Variants in SEPTIN5 observed in about 807,000 individuals in gnomAD.
SEPTIN5 encodes septin-5.
A neutral mutation model predicts 51.2 loss-of-function variants in SEPTIN5; 16 were observed. That is an observed-to-expected ratio of 0.31 (90% CI 0.21 to 0.47). The LOEUF (loss-of-function observed/expected upper bound fraction) is 0.47. Among genes scored for constraint, SEPTIN5 ranks in the 20% least tolerant of loss-of-function variants. The probability of loss-of-function intolerance (pLI) is 0.99; values close to 1 mark genes in which losing one functional copy is unlikely to be tolerated. For synonymous variants in SEPTIN5, 208 were observed against 191.2 expected (o/e 1.09, Z -0.72); for missense variants, 376 against 500.3 (o/e 0.75, Z 2.37).
At chr22:19,717,628 C>A (rs976224930) in intron 2 of SEPTIN5, 33 of 303,268 alleles carry the variant, frequency 1.1e-4, no homozygotes, top group Non-Finnish European at 2.1e-4. Flanking sequence ...CTCCAGTACT[C>A]CGGCAGCCTG....
Position 19,720,813 on chromosome 22 carries a change from C to T in SEPTIN5, c.661C>T (p.Pro221Ser). The part of the protein sequence containing the change: ...DKFGIHVYQF[P>S]ECDSDEDEDF... ...GTTTGGGATCCATGTATACCAGTTC[C>T]CTGAGTGTGACTCGGACGAGGATGA... The change falls in exon 8 of 12, where the codon CCT becomes TCT. Residue 221 changes from proline to serine, a missense_variant. Pro to Ser is a moderately conservative substitution (Grantham distance 74). Coordinates refer to ENST00000455784, the MANE Select transcript of SEPTIN5 (RefSeq NM_002688.6). The T allele has an allele frequency of 6.2e-7, 1 of 1,613,782 alleles. No homozygotes were observed. The highest frequency in any genetic ancestry group is 8.5e-7 in the Non-Finnish European group (1 of 1,180,010).
intron 2 of SEPTIN5, among the ~76,000 whole-genome samples, chr22:19,716,442 G>A (rs1455287262): frequency 6.6e-6 from 1 of 152,260 alleles, no homozygotes; most frequent in African/African-American, 2.4e-5. Flanking sequence ...CCTGGCTGCT[G>A]CTCCCAGAGC....
rs754677211 is a variant in SEPTIN5 at position 19,720,205 on chromosome 22, C to T, written c.329C>T (p.Pro110Leu). 5.0e-6 allele frequency: 8 copies of T among 1,613,396 alleles called. No individual in the cohort carries two copies. The highest frequency in any genetic ancestry group is 5.9e-6 in the Non-Finnish European group (7 of 1,180,016). Residue 110 changes from proline to leucine, a missense_variant, in exon 5 of 12, where the codon CCG (proline) becomes CTG (leucine). Pro to Leu is a moderately conservative substitution (Grantham distance 98). Transcript: ENST00000455784. The part of the protein sequence containing the change: ...VKLKLTIVDT[P>L]GFGDAVNNTE... ...CTGAAGCTCACCATCGTGGACACGC[C>T]GGGATTCGGGGACGCTGTCAACAAC... is the stretch of plus-strand genomic sequence containing the variant.
intron 2 of SEPTIN5, chr22:19,718,273 G>C (rs1257010724): frequency 4.5e-6 from 2 of 440,992 alleles, no homozygotes; most frequent in Non-Finnish European, 6.0e-6. Flanking sequence ...GGGCGCGGCA[G>C]GGCTCCCGGT....
At chr22:19,715,867 C>T (rs1935904863) in intron 2 of SEPTIN5, among the ~76,000 whole-genome samples, 1 of 152,206 alleles carries the variant, frequency 6.6e-6, no homozygotes, top group African/African-American at 2.4e-5. Context: ...GCTGCCTCCC[C>T]ATCACAGCAG....
In SEPTIN5 at chr22:19,719,505, C is replaced by T. The variant is rs747546736; in HGVS notation, c.55-97C>T. 6.1e-6 allele frequency: 6 copies of T among 976,560 alleles called. No homozygotes were observed. In the South Asian group the frequency reaches 6.5e-5, roughly 11 times the overall value. The allele number at this position is 976,560 out of a possible 1,614,324, so 60.5% of individuals were successfully genotyped here. On this transcript the variant is annotated intron_variant, in intron 2 of 11. Transcript: ENST00000455784. The stretch of plus-strand genomic sequence containing the variant: ...GAAATGCCCCACCCTGGGAACCGTA[C>T]CCTCTGCTGTCTCCTCATACCGCAT...
chr22:19,722,068 T>C, intron 10 of SEPTIN5, 111 bp downstream of exon 10: 2 of 1,342,334 alleles, frequency 1.5e-6, no homozygotes, highest in Non-Finnish European at 1.0e-6. Flanking sequence ...CACCATTCCC[T>C]AAGCCCCCCC....
rs1403248191 is a variant in SEPTIN5, at chr22:19,719,655, C to A, written c.108C>A (p.Arg36=). 2 of 1,612,942 alleles carry A rather than the reference C, an allele frequency of 1.2e-6. No homozygotes were observed. The highest frequency in any genetic ancestry group is 2.7e-5 in the African/African-American group (2 of 74,956). The change falls in exon 3 of 12, where the codon CGC becomes CGA. Residue 36 remains arginine, a synonymous_variant. Coordinates refer to ENST00000455784, the MANE Select transcript of SEPTIN5 (RefSeq NM_002688.6). ...GFATLPNQVH[R]KSVKKGFDFT... is the part of the protein sequence containing the mutation. ...CCACACTGCCCAACCAGGTGCACCG[C>A]AAGTCGGTGAAGAAAGGCTTTGACT...
chr22:19,714,769 C>T lies in SEPTIN5; in HGVS notation c.44-12C>T, dbSNP rs1935890431. On this transcript the variant is annotated splice_polypyrimidine_tract_variant and intron_variant, in intron 1 of 11. Transcript: ENST00000455784. This position sits in a 1 kb window ranked among gnomAD's most constrained non-coding sequence, Gnocchi z 5.2. ...ACCGGACCCGGACTCGACCCCGACC[C>T]CGACCCCGCAGAGGACAAGCAGGTA... 2 of 1,594,856 alleles carry T rather than the reference C, an allele frequency of 1.3e-6. No homozygotes were observed. The highest frequency in any genetic ancestry group is 1.7e-6 in the Non-Finnish European group (2 of 1,176,526).
intron 2 of SEPTIN5, chr22:19,717,786 C>T (rs73377940): frequency 0.016 from 3,816 of 232,736 alleles, 165 homozygotes; most frequent in African/African-American, 0.083. Flanking sequence ...TGCACACACC[C>T]GCGCACACGC....
intron 2 of SEPTIN5, chr22:19,717,648 TTTCCC>T (rs1057337353): frequency 5.9e-5 from 17 of 289,904 alleles, no homozygotes; most frequent in South Asian, 8.4e-5. Context: ...GCACCCTTCC[TTTCCC>T]TTCCCTTCCC....
At position 19,720,627 on chromosome 22, in the gene SEPTIN5, C is replaced by T. The variant is rs568211954; in HGVS notation, c.576C>T (p.Asp192=). The T allele has an allele frequency of 1.7e-5, 28 of 1,613,008 alleles. No individual in the cohort carries two copies. The South Asian group carries it at 2.7e-4, about 16-fold the overall frequency. ...TCGTGCCTCTCATCGCCAAAGCTGA[C>T]TGTCTTGTCCCCAGTGAGATCCGGA... is the stretch of plus-strand genomic sequence containing the variant. ...VNIVPLIAKA[D]CLVPSEIRKL... is the part of the protein sequence containing the mutation. The change falls in exon 7 of 12, where the codon GAC becomes GAT. Residue 192 remains aspartate, a synonymous_variant. Coordinates refer to ENST00000455784, the MANE Select transcript of SEPTIN5 (RefSeq NM_002688.6).
At chr22:19,717,022 T>C (rs958588877) in intron 2 of SEPTIN5, among the ~76,000 whole-genome samples, 28 of 152,162 alleles carry the variant, frequency 1.8e-4, no homozygotes, top group African/African-American at 6.5e-4. Flanking sequence ...GGCCTGGAGC[T>C]GCCCCCTTTC....
At position 19,714,825 on chromosome 22, in the gene SEPTIN5, C is replaced by G; in HGVS notation, c.54+34C>G. ...GCAGCGCCGCTCCCCCGCCGGGAGA[C>G]CCGGCCGGCTGTCACCCATTGTGAC... On this transcript the variant is annotated intron_variant, in intron 2 of 11. Coordinates refer to ENST00000455784, the MANE Select transcript of SEPTIN5 (RefSeq NM_002688.6). This position sits in a 1 kb window ranked among gnomAD's most constrained non-coding sequence, Gnocchi z 5.2. 6.3e-7 allele frequency: 1 copy of G among 1,591,886 alleles called. No homozygotes were observed. The highest frequency in any genetic ancestry group is 1.7e-5 in the Admixed American group (1 of 59,378).
At position 19,722,944 on chromosome 22, in the gene SEPTIN5, A is replaced by T. The variant is rs979254044; in HGVS notation, c.*460A>T. On this transcript the variant is annotated 3_prime_UTR_variant, in exon 12 of 12. Coordinates refer to ENST00000455784, the MANE Select transcript of SEPTIN5 (RefSeq NM_002688.6). ...CCCCATTTTCTGTCGAGGCGGGCCG[A>T]GTCTTCCCTTATCCCCAGACGCCTA... The T allele has an allele frequency of 2.3e-6, 1 of 441,302 alleles. No individual in the cohort carries two copies. Among genetic ancestry groups the T allele is most frequent in the African/African-American group, 2.0e-5 (1 of 50,960 alleles). The allele number at this position is 441,302 out of a possible 1,614,324, so 27.3% of individuals were successfully genotyped here.
rs373218382 is a variant in SEPTIN5 at position 19,721,884 on chromosome 22, C to T, written c.877C>T (p.His293Tyr). 11 of 1,612,170 alleles carry T rather than the reference C, an allele frequency of 6.8e-6. No homozygotes were observed. In the African/African-American group the frequency reaches 1.3e-4, roughly 20 times the overall value. Residue 293 changes from histidine to tyrosine, a missense_variant, in exon 10 of 12, where the codon CAC (histidine) becomes TAC (tyrosine). Transcript: ENST00000455784. The stretch of plus-strand genomic sequence containing the variant: ...CAACATGCTCATCCGCACGCATATG[C>T]ACGACCTCAAGGACGTGACGTGCGA... ...LRNMLIRTHM[H>Y]DLKDVTCDVH...
intron 2 of SEPTIN5, chr22:19,718,424 G>A: frequency 1.9e-6 from 2 of 1,066,224 alleles, no homozygotes; most frequent in South Asian, 4.4e-5. Flanking sequence ...GCCCCCCGCC[G>A]CGCGCTCCGC....
Position 19,722,614 on chromosome 22 carries a change from C to T in SEPTIN5, c.*130C>T. The T allele has an allele frequency of 1.1e-6, 1 of 944,356 alleles. No individual in the cohort carries two copies. The highest frequency in any genetic ancestry group is 1.6e-6 in the Non-Finnish European group (1 of 622,414). 58.5% of individuals were successfully genotyped at this position (944,356 alleles called of 1,614,324 possible). ...ACCCTAATTTATTCTCAGCACCACC[C>T]CCTCCCAGGTCATTGTGTCTGTTTC... On this transcript the variant is annotated 3_prime_UTR_variant, in exon 12 of 12. Coordinates refer to ENST00000455784, the MANE Select transcript of SEPTIN5 (RefSeq NM_002688.6).
chr22:19,720,541 C>T lies in SEPTIN5; in HGVS notation c.498-8C>T, dbSNP rs1936007648. ...GTGCCTATGCCCACCCTTGGCTGCT[C>T]TCGGCAGGCTGCGGCCAGTGGATGT... On this transcript the variant is annotated splice_polypyrimidine_tract_variant and splice_region_variant and intron_variant, in intron 6 of 11. Coordinates refer to ENST00000455784, the MANE Select transcript of SEPTIN5 (RefSeq NM_002688.6). The T allele has an allele frequency of 6.2e-7, 1 of 1,613,144 alleles. No homozygotes were observed. The highest frequency in any genetic ancestry group is 8.5e-7 in the Non-Finnish European group (1 of 1,180,026).
Sources: allele counts gnomAD v4.1 joint callset (sites outside exome capture counted in the v4.1 genomes callset), GRCh38; gene constraint gnomAD v4.1.1; non-coding constraint Gnocchi (gnomAD v3.1); transcripts MANE v1.5; gene names NCBI Gene and HGNC (gene_info 2026-07-23, HGNC 2026-07-21).